PAK5: variants seen among roughly 807,000 people sequenced by gnomAD.
The protein encoded by PAK5 is serine/threonine-protein kinase PAK 5.
In PAK5, 16 loss-of-function variants were observed where a neutral mutation model predicts 65.9. The observed-to-expected ratio is 0.24, with a 90% CI of 0.16 to 0.37. The LOEUF is 0.37. Ranked by LOEUF, PAK5 falls within the 10% of genes least tolerant of loss-of-function variation. PAK5 has a pLI of 1.00. For missense variants in PAK5, 785 were observed against 903.9 expected, an observed-to-expected ratio of 0.87 and a Z score of 1.69; for synonymous variants, 371 against 354.9, an observed-to-expected ratio of 1.05 and a Z score of -0.51.
At position 9,580,494 on chromosome 20, in the gene PAK5, T is replaced by C. The variant is rs571790879; in HGVS notation, c.641A>G (p.Asp214Gly). 1.1e-5 allele frequency: 17 copies of C among 1,614,076 alleles called. No individual in the cohort carries two copies. The highest frequency in any genetic ancestry group is 1.0e-4 in the Admixed American group (6 of 60,022). The stretch of plus-strand genomic sequence containing the variant: ...GGCTCTCTGATACTCCCACTTGAGG[T>C]CACTGTATTCACTTGGTTTGCTCAG... ...DSLSKPSEYSDLKWEYQRASS... is the reference protein window; with the variant it reads ...DSLSKPSEYSGLKWEYQRASS... The change falls in exon 4 of 10, where the codon GAC (aspartate) becomes GGC (glycine). Residue 214 changes from aspartate to glycine, a missense_variant. Transcript: ENST00000353224.
chr20:9,569,995 A>G (rs1282010795), intron 4 of PAK5, among the ~76,000 whole-genome samples: 1 of 149,134 alleles, frequency 6.7e-6, no homozygotes, highest in Non-Finnish European at 1.5e-5. Context: ...ATGAATTCTG[A>G]CTGATAATTT....
intron 1 of PAK5, among the ~76,000 whole-genome samples, chr20:9,733,185 G>T (rs761243145): frequency 1.3e-5 from 2 of 152,166 alleles, no homozygotes; most frequent in Non-Finnish European, 2.9e-5. Flanking sequence ...AAGATAGTTT[G>T]TAATCAATTA....
At chr20:9,607,826 C>T (rs1447339930) in intron 3 of PAK5, among the ~76,000 whole-genome samples, 1 of 150,560 alleles carries the variant, frequency 6.6e-6, no homozygotes, top group Non-Finnish European at 1.5e-5. Context: ...AAGACTCTGT[C>T]TAAAAAAAAA....
chr20:9,828,000 G>GT (rs998752060), intron 1 of PAK5, among the ~76,000 whole-genome samples: 2 of 151,866 alleles, frequency 1.3e-5, no homozygotes, highest in Admixed American at 6.6e-5. Context: ...CCCAGCTAAT[G>GT]TTTTTTTGTA....
intron 3 of PAK5, among the ~76,000 whole-genome samples, chr20:9,634,810 T>C (rs918096298): frequency 2.6e-5 from 4 of 152,144 alleles, no homozygotes; most frequent in African/African-American, 9.7e-5. Context: ...CCACAGTCTT[T>C]GTGGTGGTGG....
chr20:9,641,775 G>C (rs113904491), intron 3 of PAK5, among the ~76,000 whole-genome samples: 1 of 152,120 alleles, frequency 6.6e-6, no homozygotes, highest in Non-Finnish European at 1.5e-5. Flanking sequence ...CGAGCACAGC[G>C]CCGGTGGGCC....
At chr20:9,781,763 G>C (rs1393042342) in intron 1 of PAK5, among the ~76,000 whole-genome samples, 1 of 151,934 alleles carries the variant, frequency 6.6e-6, no homozygotes. Flanking sequence ...AGGGAATCCT[G>C]TTGGCTCTAT....
At chr20:9,746,603 T>C (rs193004367) in intron 1 of PAK5, among the ~76,000 whole-genome samples, 2 of 152,316 alleles carry the variant, frequency 1.3e-5, no homozygotes, top group Admixed American at 6.5e-5. Flanking sequence ...TAAAAAAAGA[T>C]AATTATGCAC....
intron 2 of PAK5, among the ~76,000 whole-genome samples, chr20:9,670,161 C>T (rs1248771002): frequency 1.3e-5 from 2 of 152,274 alleles, no homozygotes; most frequent in African/African-American, 4.8e-5. Flanking sequence ...TTTCTTAATT[C>T]AGTCTATCAT....
At chr20:9,740,860 A>C (rs1325239069) in intron 1 of PAK5, among the ~76,000 whole-genome samples, 1 of 152,252 alleles carries the variant, frequency 6.6e-6, no homozygotes, top group East Asian at 1.9e-4. Flanking sequence ...GCATGACTGC[A>C]GCAGTAGATA....
intron 3 of PAK5, among the ~76,000 whole-genome samples, chr20:9,628,954 C>T (rs1317343386): frequency 6.6e-6 from 1 of 152,188 alleles, no homozygotes; most frequent in Non-Finnish European, 1.5e-5. Flanking sequence ...AGGTGTGCTC[C>T]ATGTGATCTC....
chr20:9,777,693 A>C (rs2048900880), intron 1 of PAK5, among the ~76,000 whole-genome samples: 1 of 152,232 alleles, frequency 6.6e-6, no homozygotes, highest in Non-Finnish European at 1.5e-5. Context: ...GAAGATCATT[A>C]TATACATATA....
intron 3 of PAK5, among the ~76,000 whole-genome samples, chr20:9,596,635 C>CAAA (rs35576059): frequency 0.061 from 3,189 of 52,452 alleles, 287 homozygotes; most frequent in East Asian, 0.24. Flanking sequence ...GACTCCGTCT[C>CAAA]AAAAAAAAAA....
rs567041265 is a variant in PAK5, at chr20:9,598,335, G to A, written c.205-17405C>T. On this transcript the variant is annotated intron_variant, in intron 3 of 9. Transcript: ENST00000353224. The stretch of plus-strand genomic sequence containing the variant: ...TGGTATTCCATGGTGTATACATATC[G>A]CACTTTCTTTATCCAGTCTATCATT... 3.9e-5 allele frequency among the ~76,000 whole-genome samples: 6 copies of A among 152,188 alleles called. No individual in the cohort carries two copies. In the South Asian group the frequency reaches 6.2e-4, roughly 16 times the overall value.
intron 2 of PAK5, among the ~76,000 whole-genome samples, chr20:9,697,924 C>T (rs1294673106): frequency 1.3e-5 from 2 of 152,038 alleles, no homozygotes; most frequent in Non-Finnish European, 2.9e-5. Flanking sequence ...TTTAGTAAAA[C>T]ATTGACTAAT....
At chr20:9,614,705 G>A (rs219855) in intron 3 of PAK5, among the ~76,000 whole-genome samples, 80,918 of 152,038 alleles carry the variant, frequency 0.53, 22,529 homozygotes, top group East Asian at 0.84. Context: ...AACTCCACCA[G>A]TCTAGCATTC....
chr20:9,541,125 T>C (rs976404455), intron 9 of PAK5, among the ~76,000 whole-genome samples: 13 of 152,176 alleles, frequency 8.5e-5, no homozygotes, highest in African/African-American at 3.1e-4. Context: ...ACAACCTATA[T>C]GAGTGATGCT....
chr20:9,579,797 A>G (rs1335758954), intron 4 of PAK5, among the ~76,000 whole-genome samples: 3 of 152,234 alleles, frequency 2.0e-5, no homozygotes, highest in Non-Finnish European at 4.4e-5. Flanking sequence ...CTATGATTGT[A>G]TATGACTGAT....
At chr20:9,736,566 T>G (rs2048391764) in intron 1 of PAK5, among the ~76,000 whole-genome samples, 1 of 152,188 alleles carries the variant, frequency 6.6e-6, no homozygotes, top group South Asian at 2.1e-4. Context: ...CAGGCTGGCT[T>G]ACACAGCAAA....
Sources: allele counts gnomAD v4.1 joint callset (sites outside exome capture counted in the v4.1 genomes callset), GRCh38; gene constraint gnomAD v4.1.1; transcripts MANE v1.5; gene names NCBI Gene and HGNC (gene_info 2026-07-23, HGNC 2026-07-21).